The following BNC2 variants were observed in gnomAD, a reference collection of about 807,000 sequenced individuals.
BNC2 encodes the protein zinc finger protein basonuclin-2.
A neutral mutation model predicts 76.3 loss-of-function variants in BNC2; 20 were observed. The ratio of observed to expected loss-of-function variants is 0.26; its 90% CI spans 0.18 to 0.38. The LOEUF (loss-of-function observed/expected upper bound fraction) is 0.38. Among genes scored for constraint, BNC2 ranks in the 10% least tolerant of loss-of-function variants. BNC2 has a pLI of 1.00. For missense variants in BNC2, 1,382 were observed against 1,399.8 expected (o/e 0.99, Z 0.20); for synonymous variants, 582 against 514.8 (o/e 1.13, Z -1.77).
At chr9:16,590,969 A>G (rs1819914645) in intron 3 of BNC2, among the ~76,000 whole-genome samples, 1 of 152,228 alleles carries the variant, frequency 6.6e-6, no homozygotes, top group African/African-American at 2.4e-5. Context: ...GAGTGATCTT[A>G]TAAACATGAC....
rs750050233 is a variant in BNC2 at position 16,435,939 on chromosome 9, A to C, written c.2255T>G (p.Val752Gly). ...EHIHSEVSEK[V>G]LMNSERPDEN... ...ATCAGGCCTCTCACTATTCATCAGG[A>C]CTTTTTCACTCACTTCGCTGTGAAT... The change falls in exon 6 of 7, where the codon GTC (valine) becomes GGC (glycine). Residue 752 changes from valine (V) to glycine (G), a missense_variant. Val to Gly is a moderately radical substitution (Grantham distance 109). This residue lies in a region of BNC2 where 798 missense variants were observed against 775.5 expected (regional missense o/e 1.03). Transcript: ENST00000380672. The C allele has an allele frequency of 1.2e-6, 2 of 1,614,088 alleles. No individual in the cohort carries two copies. The highest frequency in any genetic ancestry group is 1.1e-5 in the South Asian group (1 of 91,070).
At chr9:16,798,277 G>C (rs1817702830) in intron 1 of BNC2, among the ~76,000 whole-genome samples, 2 of 152,142 alleles carry the variant, frequency 1.3e-5, no homozygotes, top group Admixed American at 6.6e-5. Flanking sequence ...CTTCCAAGTA[G>C]AATGGACAAA....
intron 5 of BNC2, among the ~76,000 whole-genome samples, chr9:16,439,580 A>G (rs1357034226): frequency 6.6e-6 from 1 of 152,222 alleles, no homozygotes; most frequent in East Asian, 1.9e-4. Flanking sequence ...GATGAGAGGC[A>G]TAAGGGATCT....
intron 5 of BNC2, among the ~76,000 whole-genome samples, chr9:16,527,542 G>A (rs932927532): frequency 6.6e-6 from 1 of 152,162 alleles, no homozygotes; most frequent in Admixed American, 6.5e-5. Flanking sequence ...GGCTGCTGGG[G>A]TGACTGAGGA....
intron 3 of BNC2, among the ~76,000 whole-genome samples, chr9:16,664,665 A>C (rs925203053): frequency 6.6e-6 from 1 of 151,884 alleles, no homozygotes; most frequent in Non-Finnish European, 1.5e-5. Flanking sequence ...AGGAAAATAA[A>C]AGTAGGGGCA....
At chr9:16,660,897 T>C (rs1161655312) in intron 3 of BNC2, among the ~76,000 whole-genome samples, 3 of 152,190 alleles carry the variant, frequency 2.0e-5, no homozygotes, top group Admixed American at 1.3e-4. Context: ...AGGATGGACA[T>C]AGATTATATG....
intron 5 of BNC2, among the ~76,000 whole-genome samples, chr9:16,463,174 G>C (rs908856570): frequency 6.6e-6 from 1 of 152,108 alleles, no homozygotes; most frequent in Admixed American, 6.5e-5. Flanking sequence ...AATGAGACAG[G>C]AGTTAACTTT....
At chr9:16,446,029 T>C (rs537589379) in intron 5 of BNC2, among the ~76,000 whole-genome samples, 2 of 152,206 alleles carry the variant, frequency 1.3e-5, no homozygotes, top group Non-Finnish European at 2.9e-5. Context: ...AAATAACTTA[T>C]TAGTCTTTGT....
intron 5 of BNC2, among the ~76,000 whole-genome samples, chr9:16,504,105 C>T (rs1822576765): frequency 1.3e-5 from 2 of 152,108 alleles, no homozygotes; most frequent in African/African-American, 2.4e-5. Flanking sequence ...TAGATGTCAT[C>T]TTAGCAACAG....
intron 1 of BNC2, among the ~76,000 whole-genome samples, chr9:16,831,552 C>G (rs1462229208): frequency 6.6e-6 from 1 of 152,082 alleles, no homozygotes; most frequent in African/African-American, 2.4e-5. Flanking sequence ...GAGAGGTTTT[C>G]TTGTTTGTTT....
intron 1 of BNC2, among the ~76,000 whole-genome samples, chr9:16,739,132 A>T (rs1824766043): frequency 6.6e-6 from 1 of 152,148 alleles, no homozygotes; most frequent in Non-Finnish European, 1.5e-5. Context: ...GGGAAGATGT[A>T]CATAGAAGAA....
intron 3 of BNC2, among the ~76,000 whole-genome samples, chr9:16,690,696 G>T (rs563559298): frequency 6.6e-6 from 1 of 152,334 alleles, no homozygotes; most frequent in East Asian, 1.9e-4. Flanking sequence ...TAGGACAGAT[G>T]CCAGTGCCTG....
intron 5 of BNC2, among the ~76,000 whole-genome samples, chr9:16,444,377 G>C (rs940888363): frequency 6.6e-5 from 10 of 152,076 alleles, no homozygotes; most frequent in African/African-American, 1.9e-4. Flanking sequence ...TATATAGCAG[G>C]TATGTGCTAT....
At position 16,749,502 on chromosome 9, in the gene BNC2, T is replaced by G. The variant is rs116628469; in HGVS notation, c.4-11017A>C. ...ACAGCTTGAGCCCGGTTGTTTGAGA[T>G]CAGCCTGGGTAACAGAGTGAGATCC... On this transcript the variant is annotated intron_variant, in intron 1 of 6. Transcript: ENST00000380672. Among the ~76,000 whole-genome samples the G allele has an allele frequency of 3.1e-3, 475 of 152,078 alleles. 3 individuals carry two copies. Among genetic ancestry groups the G allele is most frequent in the African/African-American group, 0.011 (459 of 41,492 alleles).
rs554511406 is a variant in BNC2 at position 16,614,281 on chromosome 9, G to A, written c.331-31196C>T. Among the ~76,000 whole-genome samples, 3 of 137,398 alleles carry A rather than the reference G, an allele frequency of 2.2e-5. No individual in the cohort carries two copies. The South Asian group carries it at 7.8e-4, about 36-fold the overall frequency. The allele number at this position is 137,398 out of a possible 152,430, so 90.1% of individuals were successfully genotyped here. A position where few individuals can be genotyped will look rare whatever the true frequency, so the allele number is the denominator to read the frequency against. On this transcript the variant is annotated intron_variant, in intron 3 of 6. Coordinates refer to ENST00000380672, the MANE Select transcript of BNC2 (RefSeq NM_017637.6). ...TTAGAAATCTTTCTATAATATTACTGTCATAAAGACCTTATTAGCAAGGAT... is the reference window on the plus strand; with the variant it reads ...TTAGAAATCTTTCTATAATATTACTATCATAAAGACCTTATTAGCAAGGAT...
At chr9:16,736,144 G>C (rs1057099234) in intron 2 of BNC2, among the ~76,000 whole-genome samples, 1 of 150,804 alleles carries the variant, frequency 6.6e-6, no homozygotes, top group Non-Finnish European at 1.5e-5. Context: ...TGAGGCAGGA[G>C]AATCACTTGA....
intron 2 of BNC2, among the ~76,000 whole-genome samples, chr9:16,732,841 G>A (rs1288537742): frequency 6.6e-6 from 1 of 152,086 alleles, no homozygotes; most frequent in Non-Finnish European, 1.5e-5. Context: ...CTTCCTTATG[G>A]CGAAACAACT....
intron 5 of BNC2, among the ~76,000 whole-genome samples, chr9:16,481,568 G>A (rs912296417): frequency 6.6e-6 from 1 of 152,118 alleles, no homozygotes; most frequent in Admixed American, 6.5e-5. Context: ...GAGGGTCCGC[G>A]ACTTCATTCT....
intron 3 of BNC2, among the ~76,000 whole-genome samples, chr9:16,681,598 ACACT>A (rs1036592065): frequency 2.0e-5 from 3 of 152,156 alleles, no homozygotes; most frequent in Admixed American, 6.6e-5. Flanking sequence ...ACTCACACAC[ACACT>A]CACTCACTCT....
Sources: gnomAD v4.1 joint callset for allele counts (sites outside exome capture counted in the v4.1 genomes callset) on GRCh38, gnomAD v4.1.1 for gene constraint, gnomAD v4.1.1 regional missense constraint, MANE v1.5 for transcripts, NCBI Gene and HGNC (gene_info 2026-07-23, HGNC 2026-07-21) for gene names.